The following RGS6 variants were observed in gnomAD, a reference collection of about 807,000 sequenced individuals.
RGS6 encodes the protein regulator of G protein signaling 6.
RGS6 carries 30 observed loss-of-function variants against 78.5 expected under a neutral mutation model. That is an observed-to-expected ratio of 0.38 (90% CI 0.29 to 0.52). The LOEUF is 0.52. RGS6 is among the 20% of genes least tolerant of loss of function. The probability of loss-of-function intolerance (pLI) is 0.85; values close to 1 mark genes in which losing one functional copy is unlikely to be tolerated. For missense variants in RGS6, 495 were observed against 609.7 expected (o/e 0.81, Z 1.98); for synonymous variants, 206 against 206.0 (o/e 1.00, Z 0.00).
chr14:72,406,831 CCTT>C (rs1338602805), intron 3 of RGS6, among the ~76,000 whole-genome samples: 1 of 152,124 alleles, frequency 6.6e-6, no homozygotes, highest in African/African-American at 2.4e-5. Flanking sequence ...AAGTCAGCCT[CCTT>C]AAAGCCGTAT....
intron 7 of RGS6, among the ~76,000 whole-genome samples, chr14:72,468,505 T>C (rs1014095539): frequency 2.6e-5 from 4 of 152,242 alleles, no homozygotes; most frequent in Non-Finnish European, 5.9e-5. Flanking sequence ...TCTGATTACA[T>C]ATTCTTTTTA....
chr14:72,291,691 G>A (rs1029491145), intron 2 of RGS6, among the ~76,000 whole-genome samples: 4 of 152,132 alleles, frequency 2.6e-5, no homozygotes, highest in Non-Finnish European at 5.9e-5. Flanking sequence ...TCTAAAGATG[G>A]AAAGGACAAG....
At chr14:72,126,299 C>G (rs1284434571) in intron 2 of RGS6, among the ~76,000 whole-genome samples, 2 of 152,226 alleles carry the variant, frequency 1.3e-5, no homozygotes, top group Non-Finnish European at 2.9e-5. Flanking sequence ...GCAGGGACCT[C>G]TGCTGTGAGT....
At chr14:71,961,535 C>CA (rs574026918) in intron 1 of RGS6, among the ~76,000 whole-genome samples, 2 of 152,094 alleles carry the variant, frequency 1.3e-5, no homozygotes, top group Non-Finnish European at 2.9e-5. Context: ...CCTAAGATCA[C>CA]ACAGCTAGGA....
At chr14:72,462,449 G>C (rs548802530) in intron 6 of RGS6, among the ~76,000 whole-genome samples, 16 of 152,216 alleles carry the variant, frequency 1.1e-4, no homozygotes, top group Non-Finnish European at 2.1e-4. Flanking sequence ...GGAAAAAATT[G>C]GTTCATCTAT....
intron 2 of RGS6, among the ~76,000 whole-genome samples, chr14:72,181,150 C>A (rs545065338): frequency 6.6e-6 from 1 of 152,230 alleles, no homozygotes; most frequent in East Asian, 1.9e-4. Flanking sequence ...TTATTTGTCC[C>A]CATTTAATTA....
intron 2 of RGS6, among the ~76,000 whole-genome samples, chr14:72,306,213 A>G (rs2067204887): frequency 6.6e-6 from 1 of 152,194 alleles, no homozygotes. Context: ...ATATTTTAAG[A>G]CCACTGTTGA....
At chr14:72,581,453 T>A in the RGS6 span, among the ~76,000 whole-genome samples, 1 of 152,130 alleles carries the variant, frequency 6.6e-6, no homozygotes, top group Non-Finnish European at 1.5e-5. Flanking sequence ...CTGCATGCAA[T>A]CCAGCCCTCT....
In RGS6 at chr14:72,564,205, T is replaced by C. The variant is rs940585437; in HGVS notation, c.*1738T>C. The C allele has an allele frequency of 3.3e-5, 5 of 152,252 alleles. No individual in the cohort carries two copies. Among genetic ancestry groups the C allele is most frequent in the African/African-American group, 1.2e-4 (5 of 41,468 alleles). The allele number at this position is 152,252 out of a possible 1,614,324, so 9.4% of individuals were successfully genotyped here. ...CGTTATGTTGTATCCTTGTGAGTTC[T>C]TGACTACCATGCCCAAGTTTCCCCC... is the stretch of plus-strand genomic sequence containing the variant. On this transcript the variant is annotated 3_prime_UTR_variant, in exon 18 of 18. Transcript: ENST00000553525.
chr14:72,560,797 CGTGTGTGTGTGTGTGT>C (rs57504072), intron 17 of RGS6, among the ~76,000 whole-genome samples: 2,307 of 141,314 alleles, frequency 0.016, 61 homozygotes, highest in African/African-American at 0.051. Flanking sequence ...ATTTTGTGGA[CGTGTGTGTGTGTGTGT>C]GTGTGTGTGT....
At chr14:72,216,859 CT>C (rs2045695930) in intron 2 of RGS6, among the ~76,000 whole-genome samples, 1 of 152,014 alleles carries the variant, frequency 6.6e-6, no homozygotes, top group African/African-American at 2.4e-5. Context: ...ACAGTTCTCT[CT>C]GATAATTACA....
intron 2 of RGS6, among the ~76,000 whole-genome samples, chr14:72,219,769 A>G (rs900062394): frequency 2.0e-5 from 3 of 152,192 alleles, no homozygotes; most frequent in Non-Finnish European, 2.9e-5. Context: ...CTCCAAGACT[A>G]CATAGAATTT....
intron 2 of RGS6, among the ~76,000 whole-genome samples, chr14:72,137,812 C>G (rs2096469409): frequency 6.6e-6 from 1 of 152,120 alleles, no homozygotes; most frequent in Admixed American, 6.5e-5. Flanking sequence ...CTCTCTGAAC[C>G]CAGTCCTTTT....
chr14:72,074,595 A>G lies in RGS6; in HGVS notation c.84+109720A>G, dbSNP rs556827242. Among the ~76,000 whole-genome samples, 7 of 152,334 alleles carry G rather than the reference A, an allele frequency of 4.6e-5. No homozygotes were observed. In the South Asian group the frequency reaches 1.2e-3, roughly 27 times the overall value. ...AGTCAGATTTTCAGAGGAAATCTCTATTAACCTAAGTTGTATAACCTTTTG... is the reference window on the plus strand; with the variant it reads ...AGTCAGATTTTCAGAGGAAATCTCTGTTAACCTAAGTTGTATAACCTTTTG... On this transcript the variant is annotated intron_variant, in intron 2 of 17. Transcript: ENST00000553525.
intron 2 of RGS6, among the ~76,000 whole-genome samples, chr14:72,154,416 G>A (rs1401096704): frequency 6.6e-6 from 1 of 152,184 alleles, no homozygotes; most frequent in African/African-American, 2.4e-5. Flanking sequence ...AATTATAAAA[G>A]TATTAATTTG....
intron 1 of RGS6, among the ~76,000 whole-genome samples, chr14:71,935,496 A>G (rs2088954308): frequency 1.3e-5 from 2 of 152,198 alleles, no homozygotes; most frequent in Admixed American, 1.3e-4. Context: ...TTGTTTACAG[A>G]ATGATTTTGA....
intron 2 of RGS6, among the ~76,000 whole-genome samples, chr14:72,120,585 G>T (rs1454140754): frequency 4.6e-5 from 7 of 152,190 alleles, no homozygotes; most frequent in African/African-American, 1.7e-4. Flanking sequence ...TGTTTAACAG[G>T]AGAACGGATA....
intron 2 of RGS6, among the ~76,000 whole-genome samples, chr14:72,324,394 A>T (rs1395515652): frequency 1.3e-5 from 2 of 152,168 alleles, no homozygotes; most frequent in Non-Finnish European, 2.9e-5. Flanking sequence ...TCTAGGGTAC[A>T]TGTGCACAAC....
In RGS6 at chr14:72,118,170, C is replaced by A. The variant is rs371911003; in HGVS notation, c.84+153295C>A. Among the ~76,000 whole-genome samples the A allele has an allele frequency of 9.1e-3, 1,359 of 149,968 alleles. 19 individuals are homozygous for A. The highest frequency in any genetic ancestry group is 0.032 in the African/African-American group (1,308 of 40,392). ...CCTCACTGCCATTTAAAAAAAAAAA[C>A]AACAAAAAACAGGTGTCTGCAGCCT... On this transcript the variant is annotated intron_variant, in intron 2 of 17. Transcript: ENST00000553525.
Sources: gnomAD v4.1 joint callset for allele counts (sites outside exome capture counted in the v4.1 genomes callset) on GRCh38, gnomAD v4.1.1 for gene constraint, MANE v1.5 for transcripts, NCBI Gene and HGNC (gene_info 2026-07-23, HGNC 2026-07-21) for gene names.